The following GCN1 variants were observed in gnomAD, a reference collection of about 807,000 sequenced individuals.
GCN1 encodes the protein GCN1 activator of EIF2AK4.
In GCN1, 90 loss-of-function variants were observed where a neutral mutation model predicts 288.4. The observed-to-expected ratio is 0.31, with a 90% CI of 0.26 to 0.37. The LOEUF (loss-of-function observed/expected upper bound fraction) is 0.37, where lower values mean the gene tolerates loss of function less well. GCN1 is among the 10% of genes least tolerant of loss of function. The pLI is 1.00. For synonymous variants in GCN1, 1,386 were observed against 1,420.2 expected, an observed-to-expected ratio of 0.98 and a Z score of 0.54; for missense variants, 2,586 against 3,419.9, an observed-to-expected ratio of 0.76 and a Z score of 6.08.
intron 45 of GCN1, among the ~76,000 whole-genome samples, chr12:120,139,286 G>T (rs1436036206): frequency 6.6e-6 from 1 of 151,484 alleles, no homozygotes; most frequent in Non-Finnish European, 1.5e-5. Flanking sequence ...CTCCTGCCTG[G>T]GCAGCAGAGT....
At chr12:120,188,172 G>A (rs1245682892) in intron 2 of GCN1, among the ~76,000 whole-genome samples, 3 of 152,128 alleles carry the variant, frequency 2.0e-5, no homozygotes, top group African/African-American at 4.8e-5. Flanking sequence ...GGTGGCTGAC[G>A]CCTGTAATCC....
rs921104377 is a variant in GCN1 at position 120,157,080 on chromosome 12, G to A, written c.3088-88C>T. 9 of 810,512 alleles carry A rather than the reference G, an allele frequency of 1.1e-5. No individual in the cohort carries two copies. In the African/African-American group the frequency reaches 1.3e-4, roughly 12 times the overall value. 50.2% of individuals were successfully genotyped at this position (810,512 alleles called of 1,614,324 possible). ...AACGGCAGGGCATCCTCTCACCCAC[G>A]GGGGAACATTCTGGATCATACAACC... is the stretch of plus-strand genomic sequence containing the variant. On this transcript the variant is annotated intron_variant, in intron 26 of 57. Coordinates refer to ENST00000300648, the MANE Select transcript of GCN1 (RefSeq NM_006836.2).
chr12:120,173,769 A>C lies in GCN1; in HGVS notation c.1250T>G (p.Phe417Cys), dbSNP rs186826705. The C allele has an allele frequency of 6.2e-7, 1 of 1,613,842 alleles. No homozygotes were observed. Among genetic ancestry groups the C allele is most frequent in the Non-Finnish European group, 8.5e-7 (1 of 1,179,670 alleles). The change falls in exon 14 of 58, where the codon TTC (phenylalanine) becomes TGC (cysteine). Residue 417 changes from phenylalanine to cysteine, a missense_variant. Coordinates refer to ENST00000300648, the MANE Select transcript of GCN1 (RefSeq NM_006836.2). ...GAGCTTCTTGGGCACTTCCATAGTG[A>C]ATCGGTTACACCAGAGAGCCAGGAC... is the stretch of plus-strand genomic sequence containing the variant. ...VSVLALWCNR[F>C]TMEVPKKLTE...
At chr12:120,178,809 G>T (rs191351073) in intron 6 of GCN1, 43 bp downstream of exon 6, 1 of 1,613,422 alleles carries the variant, frequency 6.2e-7, no homozygotes, top group Non-Finnish European at 8.5e-7. Context: ...TGGGGGAGTG[G>T]CATGGAAGAA....
Position 120,129,464 on chromosome 12 carries a change from G to A in GCN1, c.7702C>T (p.Leu2568=), listed in dbSNP as rs537352558. 2.0e-5 allele frequency: 32 copies of A among 1,613,868 alleles called. No individual in the cohort carries two copies. In the African/African-American group the frequency reaches 4.3e-4, roughly 22 times the overall value. The change falls in exon 57 of 58, where the codon CTG becomes TTG. Residue 2568 remains leucine, a synonymous_variant. Coordinates refer to ENST00000300648, the MANE Select transcript of GCN1 (RefSeq NM_006836.2). ...CLQNPSSDIR[L]VAEKMIWWAN... is the part of the protein sequence containing the mutation. ...CACCAGATCATCTTCTCAGCCACCA[G>A]CCTGATGTCGCTGGATGGGTTCTGC...
At chr12:120,138,264 G>A (rs1055207976) in intron 47 of GCN1, 59 bp downstream of exon 47, 1 of 1,139,494 alleles carries the variant, frequency 8.8e-7, no homozygotes, top group East Asian at 2.3e-5. Context: ...CTTCACTGCA[G>A]GCCCTGGAAA....
intron 16 of GCN1, among the ~76,000 whole-genome samples, chr12:120,166,746 C>T (rs985937703): frequency 2.0e-5 from 3 of 150,218 alleles, no homozygotes; most frequent in Middle Eastern, 3.6e-3. Context: ...CACGATGGCT[C>T]ATGTCTGTAA....
rs938005691 is a variant in GCN1 at position 120,151,467 on chromosome 12, T to G, written c.4063-76A>C. On this transcript the variant is annotated intron_variant, in intron 33 of 57. Coordinates refer to ENST00000300648, the MANE Select transcript of GCN1 (RefSeq NM_006836.2). ...TGGTTGGTGGGGGGTCTGACCATTC[T>G]ACACAGCACCCACCACTAGATGTCC... 34 of 1,463,470 alleles carry G rather than the reference T, an allele frequency of 2.3e-5. No individual in the cohort carries two copies. In the African/African-American group the frequency reaches 4.7e-4, roughly 20 times the overall value. 90.7% of individuals were successfully genotyped at this position (1,463,470 alleles called of 1,614,324 possible).
intron 51 of GCN1, among the ~76,000 whole-genome samples, chr12:120,135,004 G>T (rs953951563): frequency 6.6e-6 from 1 of 152,236 alleles, no homozygotes; most frequent in Non-Finnish European, 1.5e-5. Context: ...TGGCTGCGTT[G>T]GGGTTTGGCT....
At chr12:120,143,565 G>A (rs1392011112) in intron 42 of GCN1, among the ~76,000 whole-genome samples, 4 of 147,702 alleles carry the variant, frequency 2.7e-5, no homozygotes, top group Non-Finnish European at 5.9e-5. Flanking sequence ...CTGGGTGACA[G>A]AGCGAGACTC....
At chr12:120,193,121 G>C (rs777280352) in intron 1 of GCN1, among the ~76,000 whole-genome samples, 5 of 152,190 alleles carry the variant, frequency 3.3e-5, no homozygotes, top group Non-Finnish European at 7.3e-5. Context: ...GGGAGGCCAA[G>C]GCAGAAGGAT....
At position 120,160,222 on chromosome 12, in the gene GCN1, C is replaced by T. The variant is rs750453936; in HGVS notation, c.2470G>A (p.Val824Met). Residue 824 changes from valine to methionine, a missense_variant, in exon 23 of 58, where the codon GTG (valine) becomes ATG (methionine). Coordinates refer to ENST00000300648, the MANE Select transcript of GCN1 (RefSeq NM_006836.2). ...TCCTTCTGCTTGCTGGTCAGCTGCA[C>T]CTCCTCTTTGATGCCTTTCTTCTTC... ...IKKKKGIKEE[V>M]QLTSKQKEML... The T allele has an allele frequency of 1.2e-6, 2 of 1,612,342 alleles. No individual in the cohort carries two copies. The highest frequency in any genetic ancestry group is 2.2e-5 in the East Asian group (1 of 44,888).
At position 120,153,598 on chromosome 12, in the gene GCN1, T is replaced by A. The variant is rs1877640968; in HGVS notation, c.3867+146A>T. ...AAGAATTTAACACACTATCATGGTC[T>A]TTTTGGCTCAAAGTGCTCTGCCAGG... On this transcript the variant is annotated intron_variant, in intron 32 of 57. Transcript: ENST00000300648. This position sits in a 1 kb window ranked among gnomAD's most constrained non-coding sequence, Gnocchi z 4.4. The A allele has an allele frequency of 1.3e-5, 12 of 901,860 alleles. No homozygotes were observed. In the South Asian group the frequency reaches 1.8e-4, roughly 14 times the overall value. 55.9% of individuals were successfully genotyped at this position (901,860 alleles called of 1,614,324 possible). A position where few individuals can be genotyped will look rare whatever the true frequency, so the allele number is the denominator to read the frequency against.
rs146550123 is a variant in GCN1 at position 120,137,772 on chromosome 12, C to T, written c.6436G>A (p.Asp2146Asn). 17 of 1,613,836 alleles carry T rather than the reference C, an allele frequency of 1.1e-5. No homozygotes were observed. In the African/African-American group the frequency reaches 1.7e-4, roughly 16 times the overall value. Residue 2146 changes from aspartate to asparagine, a missense_variant, in exon 49 of 58, where the codon GAC becomes AAC. Coordinates refer to ENST00000300648, the MANE Select transcript of GCN1 (RefSeq NM_006836.2). This position sits in a 1 kb window ranked among gnomAD's most constrained non-coding sequence, Gnocchi z 5.2. ...CQAVILSVED[D>N]TGHRIIIEDL... is the part of the protein sequence containing the mutation. ...TCGATGATGATCCGGTGCCCTGTGT[C>T]ATCCTCTACGGAGAGGATCACAGCC...
intron 1 of GCN1, among the ~76,000 whole-genome samples, chr12:120,190,681 G>A (rs1361661216): frequency 1.3e-5 from 2 of 152,138 alleles, no homozygotes; most frequent in Non-Finnish European, 2.9e-5. Context: ...ACTCCCACTT[G>A]AGATGTACTG....
chr12:120,163,330 C>T (rs899503490), intron 18 of GCN1, 71 bp from the exon 19 acceptor site: 2 of 1,257,862 alleles, frequency 1.6e-6, no homozygotes, highest in East Asian at 4.7e-5. Flanking sequence ...ACCAAATATG[C>T]TACGGACACA....
chr12:120,174,173 A>T lies in GCN1; in HGVS notation c.1094-4T>A, dbSNP rs930375078. The T allele has an allele frequency of 6.5e-7, 1 of 1,534,402 alleles. No homozygotes were observed. Among genetic ancestry groups the T allele is most frequent in the Admixed American group, 1.7e-5 (1 of 59,914 alleles). On this transcript the variant is annotated splice_polypyrimidine_tract_variant and splice_region_variant and intron_variant, in intron 12 of 57. Coordinates refer to ENST00000300648, the MANE Select transcript of GCN1 (RefSeq NM_006836.2). ...TGATGACTGACGCTCCCAATCCCTAAAAGGCAGATTCCCTGTTCAGTCTCT... is the reference window on the plus strand; with the variant it reads ...TGATGACTGACGCTCCCAATCCCTATAAGGCAGATTCCCTGTTCAGTCTCT...
chr12:120,158,017 C>T lies in GCN1; in HGVS notation c.2919G>A (p.Leu973=). The change falls in exon 26 of 58, where the codon TTG becomes TTA. Residue 973 remains leucine (L), a synonymous_variant. Transcript: ENST00000300648. This position sits in a 1 kb window ranked among gnomAD's most constrained non-coding sequence, Gnocchi z 4.3. ...AGACTAAGGAGAAGGCTGGCGCGGA[C>T]AAGGGCGCAGCACCTGTGAGAGCGA... ...VGKGEPGAAP[L]SAPAFSLVFP... is the part of the protein sequence containing the mutation. The T allele has an allele frequency of 6.2e-7, 1 of 1,613,832 alleles. No homozygotes were observed. The highest frequency in any genetic ancestry group is 8.5e-7 in the Non-Finnish European group (1 of 1,180,006).
Position 120,155,868 on chromosome 12 carries a change from T to G in GCN1, c.3313-149A>C. The G allele has an allele frequency of 1.2e-5, 8 of 687,532 alleles. No individual in the cohort carries two copies. The highest frequency in any genetic ancestry group is 1.9e-5 in the Non-Finnish European group (8 of 413,322). 42.6% of individuals were successfully genotyped at this position (687,532 alleles called of 1,614,324 possible). A position where few individuals can be genotyped will look rare whatever the true frequency, so the allele number is the denominator to read the frequency against. ...TAAATCAATTAAAATTAACTCTAAG[T>G]AAGTTCCTTAGAGTGTGAGGTGGTA... On this transcript the variant is annotated intron_variant, in intron 28 of 57. Coordinates refer to ENST00000300648, the MANE Select transcript of GCN1 (RefSeq NM_006836.2). The surrounding 1 kb of genome is among the most constrained non-coding windows in gnomAD (Gnocchi z 4.9).
Sources: allele counts gnomAD v4.1 joint callset (sites outside exome capture counted in the v4.1 genomes callset), GRCh38; gene constraint gnomAD v4.1.1; non-coding constraint Gnocchi (gnomAD v3.1); transcripts MANE v1.5; gene names NCBI Gene and HGNC (gene_info 2026-07-23, HGNC 2026-07-21).